The following UTRN variants were observed in gnomAD, a reference collection of about 807,000 sequenced individuals.
UTRN encodes utrophin, also known as dystrophin-related protein 1.
A neutral mutation model predicts 463.9 loss-of-function variants in UTRN; 283 were observed. That is an observed-to-expected ratio of 0.61 (90% CI 0.55 to 0.67). UTRN has a LOEUF of 0.67. Ranked by LOEUF, UTRN falls within the 30% of genes least tolerant of loss-of-function variation. The pLI is 0.00. For missense variants in UTRN, 3,922 were observed against 4,084.3 expected (o/e 0.96, Z 1.08); for synonymous variants, 1,442 against 1,431.5 (o/e 1.01, Z -0.17).
chr6:144,761,010 T>C (rs1251280282), intron 58 of UTRN, among the ~76,000 whole-genome samples: 1 of 152,166 alleles, frequency 6.6e-6, no homozygotes, highest in Non-Finnish European at 1.5e-5. Flanking sequence ...CTCTAGGTAA[T>C]TCCTTATTAA....
In UTRN at chr6:144,523,094, G is replaced by T. The variant is rs749216043; in HGVS notation, c.5812G>T (p.Ala1938Ser). The T allele has an allele frequency of 1.9e-6, 3 of 1,613,352 alleles. No homozygotes were observed. The African/African-American group carries it at 4.0e-5, about 22-fold the overall frequency. Residue 1938 changes from alanine to serine, a missense_variant, in exon 41 of 75, where the codon GCC (alanine) becomes TCC (serine). Physicochemically the swap from Ala to Ser is moderately conservative, Grantham distance 99. Coordinates refer to ENST00000367545, the MANE Select transcript of UTRN (RefSeq NM_007124.3). ...HEKQPDVILEASGPEAIQIRD... is the reference protein window; with the variant it reads ...HEKQPDVILESSGPEAIQIRD... ...AAAACAGCCAGATGTCATCCTTGAA[G>T]CCTCTGGACCTGAAGCCATTCAGAT...
chr6:144,324,546 C>A (rs1775860124), intron 2 of UTRN, among the ~76,000 whole-genome samples: 1 of 152,154 alleles, frequency 6.6e-6, no homozygotes, highest in African/African-American at 2.4e-5. Flanking sequence ...TTTAGCAAGA[C>A]TACCTTTTGG....
At chr6:144,399,111 A>G (rs1324623736) in intron 2 of UTRN, among the ~76,000 whole-genome samples, 2 of 152,312 alleles carry the variant, frequency 1.3e-5, no homozygotes, top group Non-Finnish European at 2.9e-5. Flanking sequence ...CAGGGAGGTT[A>G]AACATTTCTG....
chr6:144,429,192 TC>T (rs1315465900), intron 8 of UTRN, among the ~76,000 whole-genome samples: 1 of 152,222 alleles, frequency 6.6e-6, no homozygotes, highest in East Asian at 1.9e-4. Flanking sequence ...ATCTGGTTAG[TC>T]CAATAAAATG....
At chr6:144,699,454 T>A (rs369779286) in intron 52 of UTRN, among the ~76,000 whole-genome samples, 9 of 109,816 alleles carry the variant, frequency 8.2e-5, no homozygotes, top group East Asian at 6.6e-4. Context: ...AAAAAAATAA[T>A]AATAATAATT....
chr6:144,428,532 T>C (rs1348232547), intron 7 of UTRN, among the ~76,000 whole-genome samples: 1 of 151,968 alleles, frequency 6.6e-6, no homozygotes, highest in Non-Finnish European at 1.5e-5. Context: ...CTAGTCTTAA[T>C]GGTTACCACA....
At chr6:144,418,010 T>C (rs1356691381) in intron 3 of UTRN, among the ~76,000 whole-genome samples, 1 of 152,028 alleles carries the variant, frequency 6.6e-6, no homozygotes, top group Non-Finnish European at 1.5e-5. Flanking sequence ...TTTCTGCCAA[T>C]AGAAAACACT....
chr6:144,519,300 G>A (rs185979984), intron 39 of UTRN, among the ~76,000 whole-genome samples: 13 of 151,996 alleles, frequency 8.6e-5, no homozygotes, highest in Admixed American at 8.5e-4. Flanking sequence ...ATTTTTCAGG[G>A]GTTTCTGTTT....
intron 54 of UTRN, among the ~76,000 whole-genome samples, chr6:144,732,838 A>G (rs931884834): frequency 6.6e-6 from 1 of 152,032 alleles, no homozygotes; most frequent in Admixed American, 6.6e-5. Flanking sequence ...ACCTCAGCCT[A>G]CTGAGTAGCT....
intron 2 of UTRN, among the ~76,000 whole-genome samples, chr6:144,342,821 T>C (rs753655668): frequency 6.6e-6 from 1 of 152,350 alleles, no homozygotes. Context: ...ATATGAATTA[T>C]ATATCAATAA....
At chr6:144,777,968 ATTCCTTTCGGTTTTTT>A (rs1330346547) in intron 60 of UTRN, among the ~76,000 whole-genome samples, 3 of 152,172 alleles carry the variant, frequency 2.0e-5, no homozygotes, top group Non-Finnish European at 2.9e-5. Flanking sequence ...TTTTCCTGAA[ATTCCTTTCGGTTTTTT>A]TCCTCAAGTT....
chr6:144,314,946 A>G (rs113016381), intron 2 of UTRN, among the ~76,000 whole-genome samples: 4 of 150,216 alleles, frequency 2.7e-5, no homozygotes, highest in Non-Finnish European at 4.4e-5. Flanking sequence ...ACCTCTCTCT[A>G]TATATTTTTT....
At chr6:144,848,793 A>G (rs554973336) in intron 74 of UTRN, among the ~76,000 whole-genome samples, 2 of 152,316 alleles carry the variant, frequency 1.3e-5, no homozygotes, top group East Asian at 3.9e-4. Flanking sequence ...ACATTTAAAA[A>G]TGGCTTTAGA....
chr6:144,806,572 T>C (rs1319629595), intron 65 of UTRN, among the ~76,000 whole-genome samples: 1 of 145,862 alleles, frequency 6.9e-6, no homozygotes, highest in African/African-American at 2.5e-5. Context: ...ATTGTAGCAT[T>C]AATGTCTTTC....
intron 14 of UTRN, 78 bp downstream of exon 14, chr6:144,444,460 T>G: frequency 9.3e-7 from 1 of 1,080,136 alleles, no homozygotes. Flanking sequence ...TAGAATAAAG[T>G]TGCCTTGTTT....
intron 2 of UTRN, among the ~76,000 whole-genome samples, chr6:144,292,774 A>G (rs1282045604): frequency 6.6e-6 from 1 of 152,210 alleles, no homozygotes; most frequent in African/African-American, 2.4e-5. Context: ...AATTACATCC[A>G]GTGTCACTTT....
intron 2 of UTRN, among the ~76,000 whole-genome samples, chr6:144,341,004 C>T (rs1323985092): frequency 6.6e-6 from 1 of 152,180 alleles, no homozygotes; most frequent in East Asian, 1.9e-4. Context: ...GTTATATTGG[C>T]TGTTACAGAC....
rs774893992 is a variant in UTRN, at chr6:144,754,804, T to C, written c.8434+6T>C. On this transcript the variant is annotated splice_donor_region_variant and intron_variant, in intron 57 of 74. Coordinates refer to ENST00000367545, the MANE Select transcript of UTRN (RefSeq NM_007124.3). ...CTCTCAGCATTTTCTCTCTAGTAAG[T>C]ACTAATAAACTGGACTGATCGCATT... is the stretch of plus-strand genomic sequence containing the variant. 15 of 1,612,936 alleles carry C rather than the reference T, an allele frequency of 9.3e-6. No individual in the cohort carries two copies. Among genetic ancestry groups the C allele is most frequent in the Non-Finnish European group, 1.0e-5 (12 of 1,179,278 alleles).
intron 51 of UTRN, among the ~76,000 whole-genome samples, chr6:144,635,514 C>CTTTT (rs1402815648): frequency 1.7e-3 from 135 of 79,998 alleles, no homozygotes; most frequent in Non-Finnish European, 2.0e-3. Flanking sequence ...CTTTTTTTTT[C>CTTTT]TTTTTTTTTT....
Sources: gnomAD v4.1 joint callset for allele counts (sites outside exome capture counted in the v4.1 genomes callset) on GRCh38, gnomAD v4.1.1 for gene constraint, MANE v1.5 for transcripts, NCBI Gene and HGNC (gene_info 2026-07-23, HGNC 2026-07-21) for gene names.